The following SMARCA1 variants were observed in gnomAD, a reference collection of about 807,000 sequenced individuals.
The protein encoded by SMARCA1 is SNF2 related chromatin remodeling ATPase 1, also known as SWI/SNF-related matrix-associated actin-dependent regulator of chromatin subfamily A member 1.
SMARCA1 carries 17 observed loss-of-function variants against 93.6 expected under a neutral mutation model. That is an observed-to-expected ratio of 0.18 (90% confidence interval 0.12 to 0.27). The LOEUF (loss-of-function observed/expected upper bound fraction) is 0.27. Ranked by LOEUF, SMARCA1 falls within the 10% of genes least tolerant of loss-of-function variation. The pLI, the probability that SMARCA1 is intolerant of heterozygous loss-of-function variation, is 1.00. For missense variants in SMARCA1, 630 were observed against 819.0 expected, an observed-to-expected ratio of 0.77 and a Z score of 2.82; for synonymous variants, 271 against 271.4, an observed-to-expected ratio of 1.00 and a Z score of 0.01.
intron 23 of SMARCA1, among the ~76,000 whole-genome samples, chrX:129,449,957 T>C (rs1256183115): frequency 2.7e-5 from 3 of 112,986 alleles, no homozygotes; most frequent in African/African-American, 9.6e-5. Context: ...TGTGCACATA[T>C]ATGGTATACA....
intron 2 of SMARCA1, among the ~76,000 whole-genome samples, 186 bp downstream of exon 2, chrX:129,518,175 C>T (rs145482001): frequency 0.018 from 1,993 of 111,685 alleles, 17 homozygotes; most frequent in Non-Finnish European, 0.028. Flanking sequence ...ATTTCCTCAT[C>T]TGAAAATGAG....
chrX:129,513,397 G>A (rs1011514140), intron 5 of SMARCA1, among the ~76,000 whole-genome samples: 2 of 107,657 alleles, frequency 1.9e-5, no homozygotes, highest in East Asian at 2.9e-4. Context: ...GGTGGTGGGC[G>A]CCTGTAATCC....
At chrX:129,453,704 G>A (rs1932430482) in intron 23 of SMARCA1, among the ~76,000 whole-genome samples, 1 of 111,055 alleles carries the variant, frequency 9.0e-6, no homozygotes, top group African/African-American at 3.3e-5. Flanking sequence ...GCTACCAGGA[G>A]AATAAAACAC....
intron 2 of SMARCA1, among the ~76,000 whole-genome samples, chrX:129,517,294 A>T (rs1490953871): frequency 8.9e-6 from 1 of 111,732 alleles, no homozygotes; most frequent in African/African-American, 3.2e-5. Context: ...TCACTAAAAA[A>T]ATCTTAAAAG....
chrX:129,522,753 G>C (rs962143035), intron 1 of SMARCA1, among the ~76,000 whole-genome samples: 13 of 112,313 alleles, frequency 1.2e-4, no homozygotes, highest in African/African-American at 4.2e-4. Flanking sequence ...TTTAGCGCGA[G>C]TGTGGGATTG....
intron 9 of SMARCA1, among the ~76,000 whole-genome samples, 168 bp downstream of exon 9, chrX:129,504,566 A>G (rs1447193729): frequency 1.0e-5 from 1 of 97,500 alleles, no homozygotes; most frequent in African/African-American, 4.3e-5. Flanking sequence ...AAAAAAAAAA[A>G]AAAAAAAAAA....
intron 23 of SMARCA1, among the ~76,000 whole-genome samples, chrX:129,459,438 T>C (rs1932763535): frequency 1.8e-5 from 2 of 111,821 alleles, no homozygotes; most frequent in Admixed American, 1.9e-4. Flanking sequence ...AAAAAGAAAA[T>C]GTTGTTATCA....
chrX:129,479,805 C>T (rs1232309551), intron 19 of SMARCA1, among the ~76,000 whole-genome samples: 1 of 110,267 alleles, frequency 9.1e-6, no homozygotes, highest in Non-Finnish European at 1.9e-5. Context: ...TCAAGCGATT[C>T]TCCTGCCTCA....
chrX:129,516,593 G>T, intron 2 of SMARCA1, 96 bp from the exon 3 acceptor site: 1 of 709,308 alleles, frequency 1.4e-6, no homozygotes. Flanking sequence ...CTTAGCACTT[G>T]AAACATTAAT....
intron 23 of SMARCA1, among the ~76,000 whole-genome samples, chrX:129,455,661 G>C (rs1401799685): frequency 1.8e-5 from 2 of 111,356 alleles, no homozygotes; most frequent in Non-Finnish European, 3.8e-5. Flanking sequence ...AAGCCAAACA[G>C]CCTTATTGCT....
At chrX:129,474,711 A>G (rs1452887909) in intron 19 of SMARCA1, among the ~76,000 whole-genome samples, 1 of 111,648 alleles carries the variant, frequency 9.0e-6, no homozygotes, top group Non-Finnish European at 1.9e-5. Context: ...AAAGGCTCAA[A>G]GTTTCTAAAT....
chrX:129,475,162 T>TA (rs1263857028), intron 19 of SMARCA1, among the ~76,000 whole-genome samples: 3 of 110,281 alleles, frequency 2.7e-5, no homozygotes, highest in East Asian at 2.8e-4. Context: ...TTTTTTTTTT[T>TA]ACCTCATGAG....
chrX:129,512,614 T>C (rs1025003989), intron 5 of SMARCA1, among the ~76,000 whole-genome samples: 1 of 111,958 alleles, frequency 8.9e-6, no homozygotes, highest in Admixed American at 9.5e-5. Context: ...GAAAGGGAAC[T>C]AAGTCCTTTT....
At chrX:129,458,265 A>G (rs1932725654) in intron 23 of SMARCA1, among the ~76,000 whole-genome samples, 1 of 112,505 alleles carries the variant, frequency 8.9e-6, no homozygotes, top group African/African-American at 3.2e-5. Context: ...GTTTTTAGCC[A>G]CTAAAAAATA....
chrX:129,447,180 G>A lies in SMARCA1; in HGVS notation c.3195C>T (p.Val1065=). ...SATESSGKKD[V]KKVKS ...CTAGGCTTTAGGATTTCACCTTCTT[G>A]ACATCCTTCTTTCCAGAGCTCTCAG... The change falls in exon 25 of 25, where the codon GTC becomes GTT. Residue 1065 remains valine (V), a synonymous_variant. Transcript: ENST00000371121. 1 of 1,146,297 alleles carries A rather than the reference G, an allele frequency of 8.7e-7. No homozygotes were observed. Among genetic ancestry groups the A allele is most frequent in the Non-Finnish European group, 1.2e-6 (1 of 867,071 alleles). The allele number at this position is 1,146,297 out of a possible 1,213,427, so 94.5% of individuals were successfully genotyped here.
chrX:129,505,993 G>A lies in SMARCA1; in HGVS notation c.1098+87C>T, dbSNP rs1168152986. 8 of 729,063 alleles carry A rather than the reference G, an allele frequency of 1.1e-5. No individual in the cohort carries two copies. The East Asian group carries it at 2.3e-4, about 21-fold the overall frequency. The allele number at this position is 729,063 out of a possible 1,213,427, so 60.1% of individuals were successfully genotyped here. On this transcript the variant is annotated intron_variant, in intron 8 of 24. Coordinates refer to ENST00000371121, the MANE Select transcript of SMARCA1 (RefSeq NM_001282874.2). ...CAGATAAAAAATTACAAATTAAAAA[G>A]TACCATAAATTTCAATCTATAATGT... is the stretch of plus-strand genomic sequence containing the variant.
intron 18 of SMARCA1, 93 bp downstream of exon 18, chrX:129,480,982 G>A (rs1933629680): frequency 5.1e-6 from 3 of 594,058 alleles, no homozygotes; most frequent in Non-Finnish European, 8.0e-6. Flanking sequence ...TAGAGACTAT[G>A]ATTTGGCAAT....
chrX:129,455,544 G>A (rs948659479), intron 23 of SMARCA1, among the ~76,000 whole-genome samples: 1 of 110,135 alleles, frequency 9.1e-6, no homozygotes, highest in African/African-American at 3.3e-5. Context: ...ACCATGGCAC[G>A]TGTATACCTA....
intron 23 of SMARCA1, among the ~76,000 whole-genome samples, chrX:129,461,656 A>G (rs1400653928): frequency 1.8e-5 from 2 of 112,032 alleles, no homozygotes; most frequent in Non-Finnish European, 1.9e-5. Context: ...TCTTATGGTT[A>G]TTTGATAAGG....
Sources: gnomAD v4.1 joint callset for allele counts (sites outside exome capture counted in the v4.1 genomes callset) on GRCh38, gnomAD v4.1.1 for gene constraint, MANE v1.5 for transcripts, NCBI Gene and HGNC (gene_info 2026-07-23, HGNC 2026-07-21) for gene names.